Variants in MBTPS1 observed in about 807,000 individuals in gnomAD.
MBTPS1 encodes the protein membrane bound transcription factor peptidase, site 1, also known as membrane-bound transcription factor site-1 protease.
Under a neutral mutation model 127.8 loss-of-function variants are expected in MBTPS1, and 94 were observed. The observed-to-expected ratio is 0.74, with a 90% confidence interval of 0.62 to 0.87. MBTPS1 has a LOEUF of 0.87. Among genes scored for constraint, MBTPS1 ranks in the 40% least tolerant of loss-of-function variants. The pLI, the probability that MBTPS1 is intolerant of heterozygous loss-of-function variation, is 0.00. For missense variants in MBTPS1, 1,636 were observed against 1,353.2 expected (o/e 1.21, Z -3.28); for synonymous variants, 632 against 509.4 (o/e 1.24, Z -3.24).
chr16:84,067,011 C>T (rs1323909691), intron 16 of MBTPS1, among the ~76,000 whole-genome samples: 1 of 151,886 alleles, frequency 6.6e-6, no homozygotes, highest in African/African-American at 2.4e-5. Context: ...AGTCCTTGAT[C>T]CCAATAAAGG....
chr16:84,064,222 G>GA (rs1446778745), intron 18 of MBTPS1, among the ~76,000 whole-genome samples: 1 of 151,754 alleles, frequency 6.6e-6, no homozygotes, highest in Non-Finnish European at 1.5e-5. Flanking sequence ...GATAACATCT[G>GA]AAATGTCTGT....
chr16:84,059,270 G>GA (rs1401541024), intron 21 of MBTPS1, 32 bp downstream of exon 21: 43 of 1,593,628 alleles, frequency 2.7e-5, no homozygotes, highest in Non-Finnish European at 3.3e-5. Context: ...AAGCCCCGTG[G>GA]AAAGAGTGGA....
At chr16:84,070,068 C>G in intron 13 of MBTPS1, 30 bp from the exon 14 acceptor site, 1 of 1,538,734 alleles carries the variant, frequency 6.5e-7, no homozygotes, top group African/African-American at 1.4e-5. Flanking sequence ...ACTTGAAACG[C>G]CCTCATTGTG....
chr16:84,070,620 T>C lies in MBTPS1; in HGVS notation c.1750A>G (p.Met584Val), dbSNP rs767506925. Residue 584 changes from methionine to valine, a missense_variant, in exon 13 of 23, where the codon ATG becomes GTG. Physicochemically the swap from Met to Val is conservative, Grantham distance 21 (BLOSUM62 1). Transcript: ENST00000343411. ...SWEGIAQGHV[M>V]ITVASPAETE... ...TCTGCTGGGGAAGCCACAGTGATCA[T>C]GACATGGCCCTGAGCAATGCCTTCC... is the stretch of plus-strand genomic sequence containing the variant. 5.6e-6 allele frequency: 9 copies of C among 1,613,102 alleles called. No individual in the cohort carries two copies. Among genetic ancestry groups the C allele is most frequent in the Non-Finnish European group, 5.9e-6 (7 of 1,179,860 alleles).
intron 18 of MBTPS1, 71 bp from the exon 19 acceptor site, chr16:84,063,516 C>G: frequency 7.1e-7 from 1 of 1,410,792 alleles, no homozygotes. Context: ...CCTGATATTT[C>G]ATCCACGTGA....
chr16:84,061,088 G>A (rs769882763), intron 19 of MBTPS1: 12 of 235,018 alleles, frequency 5.1e-5, no homozygotes, highest in Non-Finnish European at 8.4e-5. Context: ...AAAGTGCTGG[G>A]ATTATAGGTG....
At position 84,095,501 on chromosome 16, in the gene MBTPS1, G is replaced by A. The variant is rs1260465110; in HGVS notation, c.625+101C>T. ...CAGGGCTTTAGCACTAGGCAGTCCC[G>A]AACATGGAATTCCTGCATGTCTGGA... On this transcript the variant is annotated intron_variant, in intron 4 of 22. Transcript: ENST00000343411. The A allele has an allele frequency of 2.5e-5, 33 of 1,306,554 alleles. No individual in the cohort carries two copies. The East Asian group carries it at 2.6e-4, about 10-fold the overall frequency. The allele number at this position is 1,306,554 out of a possible 1,614,324, so 80.9% of individuals were successfully genotyped here.
chr16:84,069,382 A>C (rs1353267858), intron 14 of MBTPS1, among the ~76,000 whole-genome samples: 2 of 152,164 alleles, frequency 1.3e-5, no homozygotes, highest in Non-Finnish European at 2.9e-5. Flanking sequence ...AAGTCAGAAT[A>C]GGCAGTCACT....
intron 11 of MBTPS1, chr16:84,075,308 G>C (rs2085838238): frequency 6.6e-6 from 1 of 152,242 alleles, no homozygotes; most frequent in East Asian, 1.9e-4. Flanking sequence ...GAGCCCTAAA[G>C]CACCGAGCCT....
rs35417190 is a variant in MBTPS1 at position 84,063,416 on chromosome 16, C to G, written c.2461G>C (p.Val821Leu). 1,040 of 1,614,148 alleles carry G rather than the reference C, an allele frequency of 6.4e-4. 7 individuals carry two copies. The African/African-American group carries it at 0.011, about 17-fold the overall frequency. ...CCCAAAATGGGGACGTTTTCAACAA[C>G]TGCTGTTTCCTGCTTTAAAACCTCC... ...GLEVLKQETAVVENVPILGLY... is the reference protein window; with the variant it reads ...GLEVLKQETALVENVPILGLY... The change falls in exon 19 of 23, where the codon GTT becomes CTT. Residue 821 changes from valine to leucine, a missense_variant. Coordinates refer to ENST00000343411, the MANE Select transcript of MBTPS1 (RefSeq NM_003791.4).
chr16:84,110,299 G>T (rs961563606), intron 1 of MBTPS1, among the ~76,000 whole-genome samples: 1 of 152,174 alleles, frequency 6.6e-6, no homozygotes, highest in African/African-American at 2.4e-5. Context: ...TTCCTGAAAG[G>T]ATTCATGGTA....
chr16:84,087,304 T>C (rs2086042665), intron 9 of MBTPS1, 54 bp downstream of exon 9: 3 of 1,398,594 alleles, frequency 2.1e-6, no homozygotes, highest in Non-Finnish European at 2.0e-6. Flanking sequence ...CCGGTGCCAC[T>C]AGCCACAGTA....
In MBTPS1 at chr16:84,070,036, T is replaced by G; in HGVS notation, c.1785A>C (p.Ser595=). ...ITVASPAETE[S]KNGAEQTSTV... ...TTGAAGTCTGTTCTGCACCATTTTT[T>G]GACTAAAAAAAAAGAAAAGAAACTT... Residue 595 remains serine, a splice_region_variant and synonymous_variant, in exon 14 of 23, where the codon TCA becomes TCC. Transcript: ENST00000343411. 1 of 1,556,240 alleles carries G rather than the reference T, an allele frequency of 6.4e-7. No homozygotes were observed. Among genetic ancestry groups the G allele is most frequent in the African/African-American group, 1.4e-5 (1 of 71,858 alleles).
Position 84,054,133 on chromosome 16 carries a change from C to T in MBTPS1, c.*316G>A, listed in dbSNP as rs2085479692. The stretch of plus-strand genomic sequence containing the variant: ...GGTTGTATCATTTGTTTGGAAAGTA[C>T]ATCCTTCCCCTGCAGTCAGAAGACC... On this transcript the variant is annotated 3_prime_UTR_variant, in exon 23 of 23. Transcript: ENST00000343411. The T allele has an allele frequency of 4.3e-6, 1 of 231,618 alleles. No individual in the cohort carries two copies. Among genetic ancestry groups the T allele is most frequent in the East Asian group, 8.9e-5 (1 of 11,280 alleles). 14.3% of individuals were successfully genotyped at this position (231,618 alleles called of 1,614,324 possible).
At position 84,101,846 on chromosome 16, in the gene MBTPS1, TA is replaced by T; in HGVS notation, c.-64del. ...CAAATCACACTTTTTTCTTCTTGAT[TA>T]AAAGTGAATTTTTGTTTCAGCTAAA... On this transcript the variant is annotated 5_prime_UTR_variant, in exon 2 of 23. It removes the in-frame stop codon of an upstream open reading frame in the 5' UTR. Transcript: ENST00000343411. The T allele has an allele frequency of 1.3e-6, 2 of 1,501,846 alleles. No individual in the cohort carries two copies. Among genetic ancestry groups the T allele is most frequent in the Non-Finnish European group, 1.8e-6 (2 of 1,094,400 alleles). The allele number at this position is 1,501,846 out of a possible 1,614,324, so 93.0% of individuals were successfully genotyped here. A position where few individuals can be genotyped will look rare whatever the true frequency, so the allele number is the denominator to read the frequency against.
intron 21 of MBTPS1, among the ~76,000 whole-genome samples, chr16:84,058,375 C>G (rs1030755304): frequency 3.9e-5 from 6 of 152,182 alleles, no homozygotes; most frequent in African/African-American, 1.4e-4. Flanking sequence ...GAAAAGAAGG[C>G]AGGCAGGGGG....
chr16:84,098,372 A>C (rs2086207198), intron 3 of MBTPS1, among the ~76,000 whole-genome samples: 1 of 152,200 alleles, frequency 6.6e-6, no homozygotes, highest in Non-Finnish European at 1.5e-5. Context: ...GCACTTTGGG[A>C]GGCTGAGGCA....
At chr16:84,093,354 CG>C in intron 5 of MBTPS1, 57 bp from the exon 6 acceptor site, 1 of 1,164,132 alleles carries the variant, frequency 8.6e-7, no homozygotes, top group Non-Finnish European at 1.3e-6. Context: ...AGTGCCAGGA[CG>C]CAACATTCCA....
chr16:84,074,694 G>A lies in MBTPS1; in HGVS notation c.1496C>T (p.Pro499Leu). 1 of 1,613,990 alleles carries A rather than the reference G, an allele frequency of 6.2e-7. No individual in the cohort carries two copies. The highest frequency in any genetic ancestry group is 8.5e-7 in the Non-Finnish European group (1 of 1,179,908). Residue 499 changes from proline to leucine, a missense_variant, in exon 12 of 23, where the codon CCC becomes CTC. Transcript: ENST00000343411. ...IDLTECPYMW[P>L]YCSQPIYYGG... ...ATAGTAGATGGGCTGGGAGCAGTAGGGCCACATGTAGGGACACTCAGTCAG... is the reference window on the plus strand; with the variant it reads ...ATAGTAGATGGGCTGGGAGCAGTAGAGCCACATGTAGGGACACTCAGTCAG...
Sources: gnomAD v4.1 joint callset for allele counts (sites outside exome capture counted in the v4.1 genomes callset) on GRCh38, gnomAD v4.1.1 for gene constraint, MANE v1.5 for transcripts, NCBI Gene and HGNC (gene_info 2026-07-23, HGNC 2026-07-21) for gene names.